Variants in PALM2AKAP2 observed in about 807,000 individuals in gnomAD.
The protein encoded by PALM2AKAP2 is PALM2-AKAP2 fusion protein.
Under a neutral mutation model 71.5 loss-of-function variants are expected in PALM2AKAP2, and 37 were observed. The observed-to-expected ratio is 0.52, with a 90% CI of 0.40 to 0.68. The LOEUF (loss-of-function observed/expected upper bound fraction) is 0.68, where lower values mean the gene tolerates loss of function less well. PALM2AKAP2 is among the 30% of genes least tolerant of loss of function. The probability of loss-of-function intolerance (pLI) is 0.00; values close to 1 mark genes in which losing one functional copy is unlikely to be tolerated. For missense variants in PALM2AKAP2, 1,224 were observed against 1,191.8 expected, an observed-to-expected ratio of 1.03 and a Z score of -0.40; for synonymous variants, 468 against 478.8, an observed-to-expected ratio of 0.98 and a Z score of 0.29.
At chr9:109,654,647 T>C (rs186638366) in intron 1 of PALM2AKAP2, among the ~76,000 whole-genome samples, 1 of 152,220 alleles carries the variant, frequency 6.6e-6, no homozygotes, top group African/African-American at 2.4e-5. Flanking sequence ...ATTAAAAGCA[T>C]TTTGTTATAT....
chr9:109,935,837 T>C (rs1831206993), intron 6 of PALM2AKAP2, among the ~76,000 whole-genome samples: 1 of 152,214 alleles, frequency 6.6e-6, no homozygotes, highest in Non-Finnish European at 1.5e-5. Flanking sequence ...TGCAGTGCTA[T>C]GTTATTTTCC....
chr9:109,667,101 A>G (rs943925910), intron 1 of PALM2AKAP2, among the ~76,000 whole-genome samples: 1 of 152,076 alleles, frequency 6.6e-6, no homozygotes, highest in African/African-American at 2.4e-5. Context: ...GGAATGAACA[A>G]CCTCCAACCA....
At chr9:109,779,822 G>A (rs1436750057), upstream of PALM2AKAP2, among the ~76,000 whole-genome samples, 1 of 152,194 alleles carries the variant, frequency 6.6e-6, no homozygotes, top group Non-Finnish European at 1.5e-5. Flanking sequence ...GCCAGAAGGT[G>A]CCCTGAACAC....
intron 1 of PALM2AKAP2, among the ~76,000 whole-genome samples, chr9:109,813,239 G>T (rs1203744774): frequency 6.6e-6 from 1 of 152,202 alleles, no homozygotes; most frequent in Non-Finnish European, 1.5e-5. Flanking sequence ...CCACTGTGTG[G>T]CTGCTGAGGC....
At chr9:109,834,065 T>C (rs947542147) in intron 1 of PALM2AKAP2, among the ~76,000 whole-genome samples, 1 of 152,104 alleles carries the variant, frequency 6.6e-6, no homozygotes, top group South Asian at 2.1e-4. Flanking sequence ...AAATAAAAAT[T>C]AGCAGGACAT....
At chr9:109,701,213 T>C (rs1828050148) in intron 1 of PALM2AKAP2, among the ~76,000 whole-genome samples, 2 of 152,200 alleles carry the variant, frequency 1.3e-5, no homozygotes, top group African/African-American at 4.8e-5. Flanking sequence ...AAACTACCAA[T>C]GACTTTCTTC....
chr9:110,116,392 A>C (rs1002120589), intron 1 of PALM2AKAP2, among the ~76,000 whole-genome samples: 1 of 151,282 alleles, frequency 6.6e-6, no homozygotes, highest in East Asian at 1.9e-4. Flanking sequence ...GTGTGTGCGC[A>C]TGTGTGTGCG....
intron 7 of PALM2AKAP2, among the ~76,000 whole-genome samples, chr9:110,030,531 A>C (rs190407864): frequency 2.6e-5 from 4 of 152,204 alleles, no homozygotes; most frequent in African/African-American, 9.6e-5. Context: ...AGCCTTCTTC[A>C]GGTTCAGAAT....
At chr9:109,937,415 G>A (rs1487326212) in intron 6 of PALM2AKAP2, among the ~76,000 whole-genome samples, 1 of 152,132 alleles carries the variant, frequency 6.6e-6, no homozygotes, top group African/African-American at 2.4e-5. Flanking sequence ...AAAACCAAAT[G>A]CGGAGGCCCA....
At chr9:110,003,917 G>A (rs1009832987) in intron 6 of PALM2AKAP2, among the ~76,000 whole-genome samples, 3 of 152,108 alleles carry the variant, frequency 2.0e-5, no homozygotes, top group Admixed American at 2.0e-4. Context: ...TTGAGCCTAT[G>A]TGTGTCTCTG....
rs758182958 is a variant in PALM2AKAP2 at position 110,136,364 on chromosome 9, G to A, written c.394G>A (p.Glu132Lys). Residue 132 changes from glutamate to lysine, a missense_variant, in exon 2 of 4, where the codon GAA (glutamate) becomes AAA (lysine). Coordinates refer to ENST00000374525, the Ensembl canonical transcript of PALM2AKAP2. ...TAATGGCCTCCTTACTGATCACCACGAATCCCTGGATAATGATGTTGCCAG... is the reference window on the plus strand; with the variant it reads ...TAATGGCCTCCTTACTGATCACCACAAATCCCTGGATAATGATGTTGCCAG... 15 of 1,614,114 alleles carry A rather than the reference G, an allele frequency of 9.3e-6. No homozygotes were observed. The South Asian group carries it at 1.3e-4, about 14-fold the overall frequency.
intron 1 of PALM2AKAP2, among the ~76,000 whole-genome samples, chr9:109,722,038 A>G (rs74761608): frequency 3.3e-4 from 51 of 152,350 alleles, no homozygotes; most frequent in African/African-American, 1.1e-3. Context: ...GATTTATCTT[A>G]CCAATAGAGT....
chr9:109,717,928 G>T (rs570697122), intron 1 of PALM2AKAP2, among the ~76,000 whole-genome samples: 15 of 152,252 alleles, frequency 9.9e-5, no homozygotes, highest in East Asian at 7.7e-4. Flanking sequence ...AGAGATAAAA[G>T]GAGATATGTG....
chr9:109,772,587 C>T (rs1829285546), intron 1 of PALM2AKAP2, among the ~76,000 whole-genome samples: 1 of 152,184 alleles, frequency 6.6e-6, no homozygotes, highest in Non-Finnish European at 1.5e-5. Flanking sequence ...TGTATTTAAG[C>T]TAATTAGATA....
chr9:109,699,688 A>G (rs1347233135), intron 1 of PALM2AKAP2, among the ~76,000 whole-genome samples: 1 of 152,208 alleles, frequency 6.6e-6, no homozygotes, highest in African/African-American at 2.4e-5. Context: ...TTGATTATTC[A>G]GAGGTGATTG....
chr9:110,068,448 G>C (rs1302125482), intron 1 of PALM2AKAP2, among the ~76,000 whole-genome samples: 3 of 149,142 alleles, frequency 2.0e-5, no homozygotes, highest in Admixed American at 6.6e-5. Flanking sequence ...CTGCTCTAGT[G>C]GTGGGTCTGA....
intron 1 of PALM2AKAP2, among the ~76,000 whole-genome samples, chr9:109,644,580 G>T (rs1233279223): frequency 6.6e-6 from 1 of 152,092 alleles, no homozygotes; most frequent in Non-Finnish European, 1.5e-5. Flanking sequence ...CCTCAGAAAA[G>T]GGGTTTTTCT....
chr9:109,843,140 CA>C lies in PALM2AKAP2; in HGVS notation c.46-24331del, dbSNP rs60510582. On this transcript the variant is annotated intron_variant, in intron 1 of 9. Coordinates refer to the PALM2AKAP2 transcript ENST00000302798. Reference sequence around the variant, plus strand: ...GGGCAACAGGAATGAAACTCGGTCTCAAAAAAAAAAAAAAAAAAAATCGAAC... The same window carrying C: ...GGGCAACAGGAATGAAACTCGGTCTCAAAAAAAAAAAAAAAAAAATCGAAC... Among the ~76,000 whole-genome samples the C allele has an allele frequency of 6.9e-3, 435 of 62,824 alleles. 11 individuals are homozygous for C. Among genetic ancestry groups the C allele is most frequent in the Admixed American group, 0.048 (215 of 4,464 alleles). 41.2% of individuals were successfully genotyped at this position (62,824 alleles called of 152,430 possible).
intron 1 of PALM2AKAP2, among the ~76,000 whole-genome samples, chr9:109,707,882 C>T (rs900490008): frequency 2.6e-5 from 4 of 152,094 alleles, no homozygotes; most frequent in Non-Finnish European, 5.9e-5. Flanking sequence ...ATAGTGGCAC[C>T]GATACCAATA....
Sources: gnomAD v4.1 joint callset for allele counts (sites outside exome capture counted in the v4.1 genomes callset) on GRCh38, gnomAD v4.1.1 for gene constraint, MANE v1.5 for transcripts, NCBI Gene and HGNC (gene_info 2026-07-23, HGNC 2026-07-21) for gene names.